Variants in KIRREL3 observed in about 807,000 individuals in gnomAD.
KIRREL3 encodes kirre like nephrin family adhesion molecule 3.
In KIRREL3, 36 loss-of-function variants were observed where a neutral mutation model predicts 89.7. The observed-to-expected ratio is 0.40, with a 90% CI of 0.31 to 0.53. KIRREL3 has a LOEUF of 0.53. Ranked by LOEUF, KIRREL3 falls within the 20% of genes least tolerant of loss-of-function variation. The pLI, the probability that KIRREL3 is intolerant of heterozygous loss-of-function variation, is 0.49. For missense variants in KIRREL3, 864 were observed against 1,056.6 expected (o/e 0.82, Z 2.53); for synonymous variants, 445 against 441.4 (o/e 1.01, Z -0.10).
intron 1 of KIRREL3, among the ~76,000 whole-genome samples, chr11:126,835,501 T>C (rs1314597518): frequency 2.0e-5 from 3 of 152,220 alleles, no homozygotes; most frequent in Admixed American, 2.0e-4. Flanking sequence ...CAAACACAAC[T>C]AAAATTTATG....
chr11:126,561,112 G>A lies in KIRREL3; in HGVS notation c.133+1723C>T, dbSNP rs1829858518. On this transcript the variant is annotated intron_variant, in intron 2 of 16. Transcript: ENST00000525144. This position sits in a 1 kb window ranked among gnomAD's most constrained non-coding sequence, Gnocchi z 4.5. ...AATGTATAATGTGGTACTTAGGGCAGCAAGGCTGGCTGGAGTGGAAGAAGA... is the reference window on the plus strand; with the variant it reads ...AATGTATAATGTGGTACTTAGGGCAACAAGGCTGGCTGGAGTGGAAGAAGA... Among the ~76,000 whole-genome samples, 1 of 152,208 alleles carries A rather than the reference G, an allele frequency of 6.6e-6. No individual in the cohort carries two copies. Among genetic ancestry groups the A allele is most frequent in the African/African-American group, 2.4e-5 (1 of 41,450 alleles).
chr11:126,712,553 A>G (rs887661938), intron 1 of KIRREL3, among the ~76,000 whole-genome samples: 4 of 152,196 alleles, frequency 2.6e-5, no homozygotes, highest in African/African-American at 9.6e-5. Flanking sequence ...ATGGAGGTCT[A>G]TATTGCCACC....
At chr11:126,464,522 C>T (rs562400216) in intron 5 of KIRREL3, among the ~76,000 whole-genome samples, 3 of 146,634 alleles carry the variant, frequency 2.0e-5, no homozygotes, top group East Asian at 4.0e-4. Context: ...CAGAGTGAGA[C>T]CCTGCCTCAG....
chr11:126,631,824 A>G (rs1444997246), intron 1 of KIRREL3, among the ~76,000 whole-genome samples: 1 of 152,202 alleles, frequency 6.6e-6, no homozygotes, highest in Non-Finnish European at 1.5e-5. Context: ...GTGAGGCTAT[A>G]TAACTTCTCC....
chr11:126,721,492 G>C (rs1488570564), intron 1 of KIRREL3, among the ~76,000 whole-genome samples: 1 of 146,664 alleles, frequency 6.8e-6, no homozygotes, highest in African/African-American at 2.5e-5. Context: ...ATGCGCCTTT[G>C]CACTCCAGCC....
chr11:126,962,360 C>T (rs1466800704), intron 1 of KIRREL3, among the ~76,000 whole-genome samples: 2 of 152,096 alleles, frequency 1.3e-5, no homozygotes, highest in African/African-American at 2.4e-5. Context: ...GATTCCAATC[C>T]TCACGGATGA....
rs1232997288 is a variant in KIRREL3, at chr11:126,752,608, T to C, written c.56-189696A>G. 6.6e-6 allele frequency among the ~76,000 whole-genome samples: 1 copy of C among 152,172 alleles called. No homozygotes were observed. Among genetic ancestry groups the C allele is most frequent in the South Asian group, 2.1e-4 (1 of 4,824 alleles). On this transcript the variant is annotated intron_variant, in intron 1 of 16. Transcript: ENST00000525144. This position sits in a 1 kb window ranked among gnomAD's most constrained non-coding sequence, Gnocchi z 4.8. ...TAAGAATCTATAGTTTAGTGACTCA[T>C]TGGCACTCTAATGACTACTATTCCC...
rs1299369093 is a variant in KIRREL3, at chr11:126,685,833, G to A, written c.56-122921C>T. ...CCAGAGTGGCTCCACGCCCCTTGGG[G>A]GCAGATGGCCGACCCACTGGATCGG... On this transcript the variant is annotated intron_variant, in intron 1 of 16. Coordinates refer to ENST00000525144, the MANE Select transcript of KIRREL3 (RefSeq NM_032531.4). The surrounding 1 kb of genome is among the most constrained non-coding windows in gnomAD (Gnocchi z 5.5). 6.6e-6 allele frequency among the ~76,000 whole-genome samples: 1 copy of A among 152,226 alleles called. No homozygotes were observed. The highest frequency in any genetic ancestry group is 1.5e-5 in the Non-Finnish European group (1 of 68,038).
chr11:126,608,353 G>A lies in KIRREL3; in HGVS notation c.56-45441C>T, dbSNP rs148237647. On this transcript the variant is annotated intron_variant, in intron 1 of 16. Transcript: ENST00000525144. This position sits in a 1 kb window ranked among gnomAD's most constrained non-coding sequence, Gnocchi z 4.9. Reference sequence around the variant, plus strand: ...AGGCCCAACTTCTGACTTCCTGTGCGGGGGCTCCTCCTCTAGCCCCAGGCT... The same window carrying A: ...AGGCCCAACTTCTGACTTCCTGTGCAGGGGCTCCTCCTCTAGCCCCAGGCT... Among the ~76,000 whole-genome samples, 1 of 152,114 alleles carries A rather than the reference G, an allele frequency of 6.6e-6. No homozygotes were observed. The highest frequency in any genetic ancestry group is 1.9e-4 in the East Asian group (1 of 5,184).
At chr11:126,929,190 G>A (rs1027796253) in intron 1 of KIRREL3, among the ~76,000 whole-genome samples, 13 of 152,182 alleles carry the variant, frequency 8.5e-5, no homozygotes, top group East Asian at 1.9e-4. Context: ...AGCTAATGGA[G>A]AATAGAATTT....
Position 126,696,327 on chromosome 11 carries a change from C to T in KIRREL3, c.56-133415G>A, listed in dbSNP as rs1411602906. On this transcript the variant is annotated intron_variant, in intron 1 of 16. Coordinates refer to ENST00000525144, the MANE Select transcript of KIRREL3 (RefSeq NM_032531.4). The surrounding 1 kb of genome is among the most constrained non-coding windows in gnomAD (Gnocchi z 4.4). ...TTGCTTAATTAACCCTTCTCCCTTTCTTTGACCCTTCTCCTCCTTGGTTGC... is the reference window on the plus strand; with the variant it reads ...TTGCTTAATTAACCCTTCTCCCTTTTTTTGACCCTTCTCCTCCTTGGTTGC... Among the ~76,000 whole-genome samples, 1 of 151,176 alleles carries T rather than the reference C, an allele frequency of 6.6e-6. No homozygotes were observed. Among genetic ancestry groups the T allele is most frequent in the Non-Finnish European group, 1.5e-5 (1 of 67,924 alleles).
At chr11:126,586,333 A>G (rs768143938) in intron 1 of KIRREL3, among the ~76,000 whole-genome samples, 5 of 152,158 alleles carry the variant, frequency 3.3e-5, no homozygotes, top group Non-Finnish European at 7.4e-5. Flanking sequence ...AGGAGTAAGT[A>G]GGTAATTAGG....
chr11:126,467,418 G>T (rs1374098097), intron 5 of KIRREL3, among the ~76,000 whole-genome samples: 2 of 152,196 alleles, frequency 1.3e-5, no homozygotes, highest in African/African-American at 2.4e-5. Context: ...AAAGCCCCCA[G>T]GGCCTCCTCT....
intron 1 of KIRREL3, among the ~76,000 whole-genome samples, chr11:126,855,205 CCCCTATGTTGAAGGAGGG>C (rs1944468182): frequency 6.6e-6 from 1 of 152,206 alleles, no homozygotes; most frequent in Non-Finnish European, 1.5e-5. Flanking sequence ...AAATTGTAAT[CCCCTATGTTGAAGGAGGG>C]CCCTAGTGGG....
At chr11:126,726,404 G>C (rs1005736125) in intron 1 of KIRREL3, among the ~76,000 whole-genome samples, 1 of 152,084 alleles carries the variant, frequency 6.6e-6, no homozygotes, top group Middle Eastern at 3.4e-3. Flanking sequence ...GTCTCCCTCT[G>C]TTGCCCAGGC....
At chr11:126,853,628 G>A (rs1315798762) in intron 1 of KIRREL3, among the ~76,000 whole-genome samples, 1 of 152,010 alleles carries the variant, frequency 6.6e-6, no homozygotes, top group Non-Finnish European at 1.5e-5. Context: ...GCCTAAGACA[G>A]CTCTTCATAT....
intron 1 of KIRREL3, among the ~76,000 whole-genome samples, chr11:126,580,973 A>G (rs1941516968): frequency 6.6e-6 from 1 of 151,864 alleles, no homozygotes; most frequent in South Asian, 2.1e-4. Context: ...CCTATGGTGA[A>G]GTAGGTGCTC....
rs1333882285 is a variant in KIRREL3, at chr11:126,923,369, CCTTCTT to C, written c.55+77080_55+77085del. On this transcript the variant is annotated intron_variant, in intron 1 of 16. Transcript: ENST00000525144. The stretch of plus-strand genomic sequence containing the variant: ...CCTTCTTCCTTCTCCTTCTCCTTCT[CCTTCTT>C]CCTTCTTCTTCTTCCTCTTCTTTCT... Among the ~76,000 whole-genome samples, 9 of 26,824 alleles carry C rather than the reference CCTTCTT, an allele frequency of 3.4e-4. No individual in the cohort carries two copies. In the Admixed American group the frequency reaches 4.4e-3, roughly 13 times the overall value. The allele number at this position is 26,824 out of a possible 152,430, so 17.6% of individuals were successfully genotyped here. A position where few individuals can be genotyped will look rare whatever the true frequency, so the allele number is the denominator to read the frequency against.
intron 4 of KIRREL3, among the ~76,000 whole-genome samples, chr11:126,518,765 C>T (rs1958497807): frequency 6.6e-6 from 1 of 152,234 alleles, no homozygotes; most frequent in South Asian, 2.1e-4. Context: ...TTCCAGCTGG[C>T]TGGGTCAGCT....
Sources: allele counts gnomAD v4.1 joint callset (sites outside exome capture counted in the v4.1 genomes callset), GRCh38; gene constraint gnomAD v4.1.1; non-coding constraint Gnocchi (gnomAD v3.1); transcripts MANE v1.5; gene names NCBI Gene and HGNC (gene_info 2026-07-23, HGNC 2026-07-21).